ORC4: variants seen among roughly 807,000 people sequenced by gnomAD.
The protein encoded by ORC4 is origin recognition complex, subunit 4 homolog.
In ORC4, 55 loss-of-function variants were observed where a neutral mutation model predicts 63.9. The observed-to-expected ratio is 0.86, with a 90% CI of 0.69 to 1.08. The LOEUF is 1.08. ORC4 is among the 50% of genes least tolerant of loss of function. ORC4 has a pLI of 0.00. For missense variants in ORC4, 511 were observed against 504.4 expected (o/e 1.01, Z -0.13); for synonymous variants, 150 against 168.5 (o/e 0.89, Z 0.85).
Position 147,999,921 on chromosome 2 carries a change from A to T in ORC4, c.-18+20712T>A, listed in dbSNP as rs549109417. On this transcript the variant is annotated intron_variant, in intron 1 of 13. Transcript: ENST00000392857. ...AATTTCAAAACCAAACAATAATTTT[A>T]ATTCATAAAAAGAAAACATAACAGG... Among the ~76,000 whole-genome samples, 30 of 152,166 alleles carry T rather than the reference A, an allele frequency of 2.0e-4. No homozygotes were observed. In the South Asian group the frequency reaches 3.9e-3, roughly 20 times the overall value.
intron 8 of ORC4, 147 bp downstream of exon 8, chr2:147,952,226 A>T (rs1688994670): frequency 1.6e-6 from 1 of 607,608 alleles, no homozygotes; most frequent in East Asian, 2.8e-5. Flanking sequence ...CCTCAATTTG[A>T]GTTGAAAGCA....
chr2:147,934,523 G>T lies in ORC4; in HGVS notation c.*987C>A, dbSNP rs1246785073. On this transcript the variant is annotated 3_prime_UTR_variant, in exon 14 of 14. Transcript: ENST00000392857. Reference sequence around the variant, plus strand: ...CTGGTAGTCACGTCACTTCATGATGGGGCTACGTTCTGAGAAATGTGTCTT... The same window carrying T: ...CTGGTAGTCACGTCACTTCATGATGTGGCTACGTTCTGAGAAATGTGTCTT... 2 of 151,992 alleles carry T rather than the reference G, an allele frequency of 1.3e-5. No homozygotes were observed. Among genetic ancestry groups the T allele is most frequent in the Non-Finnish European group, 2.9e-5 (2 of 67,994 alleles). The allele number at this position is 151,992 out of a possible 1,614,324, so 9.4% of individuals were successfully genotyped here.
chr2:147,973,559 A>G (rs1192063190), intron 2 of ORC4, 35 bp from the exon 3 acceptor site: 2 of 1,119,160 alleles, frequency 1.8e-6, no homozygotes, highest in Non-Finnish European at 1.3e-6. Context: ...ATAAATAAAA[A>G]TATTACACAT....
chr2:147,984,273 C>T (rs1691061945), intron 1 of ORC4, among the ~76,000 whole-genome samples: 1 of 152,058 alleles, frequency 6.6e-6, no homozygotes, highest in Non-Finnish European at 1.5e-5. Context: ...AACAGGAAGA[C>T]AAGTAGGATG....
At chr2:148,020,223 C>A (rs562755760) in intron 1 of ORC4, among the ~76,000 whole-genome samples, 5 of 152,316 alleles carry the variant, frequency 3.3e-5, no homozygotes, top group Admixed American at 6.5e-5. Context: ...ATGAGCAACG[C>A]GTGTGATGCA....
rs1170360865 is a variant in ORC4, at chr2:147,930,973, A to G, written c.*4537T>C. 1 of 149,824 alleles carries G rather than the reference A, an allele frequency of 6.7e-6. No individual in the cohort carries two copies. The highest frequency in any genetic ancestry group is 2.5e-5 in the African/African-American group (1 of 40,814). 9.3% of individuals were successfully genotyped at this position (149,824 alleles called of 1,614,324 possible). Reference sequence around the variant, plus strand: ...TGCACCCACTAACTCGTCATCTAGCATTAGGTATATCTCCTAATGCTATCC... The same window carrying G: ...TGCACCCACTAACTCGTCATCTAGCGTTAGGTATATCTCCTAATGCTATCC... On this transcript the variant is annotated 3_prime_UTR_variant, in exon 14 of 14. Coordinates refer to ENST00000392857, the MANE Select transcript of ORC4 (RefSeq NM_181741.4).
At chr2:147,950,465 A>C (rs920205781) in intron 8 of ORC4, among the ~76,000 whole-genome samples, 1 of 152,184 alleles carries the variant, frequency 6.6e-6, no homozygotes, top group Non-Finnish European at 1.5e-5. Flanking sequence ...ACGTGGATAC[A>C]CAGATAAAAT....
At chr2:147,947,717 A>C (rs1688734195) in intron 9 of ORC4, 2 of 153,654 alleles carry the variant, frequency 1.3e-5, no homozygotes, top group South Asian at 4.0e-4. Flanking sequence ...ACTATTTATT[A>C]TTATTGCTAA....
chr2:147,980,830 C>A (rs186145476), intron 1 of ORC4, among the ~76,000 whole-genome samples: 6 of 152,186 alleles, frequency 3.9e-5, no homozygotes, highest in Admixed American at 3.9e-4. Context: ...AATTAGAAGT[C>A]AAATTACATG....
intron 4 of ORC4, among the ~76,000 whole-genome samples, chr2:147,959,203 C>T (rs751647401): frequency 1.7e-4 from 26 of 151,958 alleles, no homozygotes; most frequent in Non-Finnish European, 3.4e-4. Flanking sequence ...TCAGTTAGTA[C>T]ATTACACATC....
chr2:147,950,815 C>G (rs774597504), intron 8 of ORC4, among the ~76,000 whole-genome samples: 5 of 150,212 alleles, frequency 3.3e-5, no homozygotes, highest in African/African-American at 4.9e-5. Flanking sequence ...AAGAACTACA[C>G]AGTTGGAGAA....
chr2:147,961,192 C>A (rs180756593), intron 4 of ORC4, among the ~76,000 whole-genome samples: 1 of 152,102 alleles, frequency 6.6e-6, no homozygotes, highest in East Asian at 1.9e-4. Flanking sequence ...GTAATCCCAG[C>A]ACTTTGGAAG....
rs545180688 is a variant in ORC4, at chr2:147,931,509, C to G, written c.*4001G>C. The G allele has an allele frequency of 3.3e-5, 5 of 152,196 alleles. No homozygotes were observed. Among genetic ancestry groups the G allele is most frequent in the East Asian group, 1.9e-4 (1 of 5,180 alleles). The allele number at this position is 152,196 out of a possible 1,614,324, so 9.4% of individuals were successfully genotyped here. A position where few individuals can be genotyped will look rare whatever the true frequency, so the allele number is the denominator to read the frequency against. On this transcript the variant is annotated 3_prime_UTR_variant, in exon 14 of 14. Coordinates refer to ENST00000392857, the MANE Select transcript of ORC4 (RefSeq NM_181741.4). ...GTGTTCCTATTTCTCCACATCCTCT[C>G]CAGCACCTGTTGTTTCCTGACTTTT...
chr2:148,009,491 C>T (rs1000894092), intron 1 of ORC4, among the ~76,000 whole-genome samples: 30 of 152,072 alleles, frequency 2.0e-4, no homozygotes, highest in African/African-American at 7.2e-4. Context: ...AAAAGGTTAT[C>T]ATATAATACA....
At chr2:147,955,956 G>A (rs965688944) in intron 6 of ORC4, among the ~76,000 whole-genome samples, 1 of 151,982 alleles carries the variant, frequency 6.6e-6, no homozygotes, top group Non-Finnish European at 1.5e-5. Flanking sequence ...ATCATATCAT[G>A]TTTGGCTATG....
intron 1 of ORC4, among the ~76,000 whole-genome samples, chr2:147,990,975 T>C (rs776810570): frequency 2.0e-5 from 3 of 152,080 alleles, no homozygotes; most frequent in Non-Finnish European, 4.4e-5. Context: ...TCTGGAATCA[T>C]ATATACACAG....
rs766291761 is a variant in ORC4, at chr2:147,934,974, T to G, written c.*536A>C. 6.5e-6 allele frequency: 1 copy of G among 154,424 alleles called. No homozygotes were observed. Among genetic ancestry groups the G allele is most frequent in the Non-Finnish European group, 1.4e-5 (1 of 69,532 alleles). The allele number at this position is 154,424 out of a possible 1,614,324, so 9.6% of individuals were successfully genotyped here. On this transcript the variant is annotated 3_prime_UTR_variant, in exon 14 of 14. Transcript: ENST00000392857. Reference sequence around the variant, plus strand: ...TTTGAGATGTCTAGAAGAAAAATCTTCAAACTCCTTGGCCTTTTTCTTCCA... The same window carrying G: ...TTTGAGATGTCTAGAAGAAAAATCTGCAAACTCCTTGGCCTTTTTCTTCCA...
chr2:148,016,060 T>C (rs1393713729), intron 1 of ORC4, among the ~76,000 whole-genome samples: 3 of 152,174 alleles, frequency 2.0e-5, no homozygotes, highest in Admixed American at 6.5e-5. Context: ...TGTTCAGTAT[T>C]TGAAGCAAAT....
chr2:147,958,635 A>AT (rs1361754415), intron 5 of ORC4, 156 bp downstream of exon 5: 1 of 588,518 alleles, frequency 1.7e-6, no homozygotes, highest in African/African-American at 1.9e-5. Flanking sequence ...CATTATTATT[A>AT]TTTTAATTTC....
Sources: gnomAD v4.1 joint callset for allele counts (sites outside exome capture counted in the v4.1 genomes callset) on GRCh38, gnomAD v4.1.1 for gene constraint, MANE v1.5 for transcripts, NCBI Gene and HGNC (gene_info 2026-07-23, HGNC 2026-07-21) for gene names.